DPP10: variants seen among roughly 807,000 people sequenced by gnomAD.
DPP10 encodes the protein inactive dipeptidyl peptidase 10.
DPP10 carries 33 observed loss-of-function variants against 120.9 expected under a neutral mutation model. The observed-to-expected ratio is 0.27, with a 90% CI of 0.21 to 0.37. DPP10 has a LOEUF of 0.37. DPP10 is among the 10% of genes least tolerant of loss of function. The pLI is 1.00. For synonymous variants in DPP10, 337 were observed against 326.1 expected, an observed-to-expected ratio of 1.03 and a Z score of -0.36; for missense variants, 816 against 942.8, an observed-to-expected ratio of 0.87 and a Z score of 1.76.
In DPP10 at chr2:115,844,201, T is replaced by C. The variant is rs1690424145; in HGVS notation, c.*1856T>C. 2 of 152,590 alleles carry C rather than the reference T, an allele frequency of 1.3e-5. No homozygotes were observed. Among genetic ancestry groups the C allele is most frequent in the South Asian group, 4.1e-4 (2 of 4,838 alleles). The allele number at this position is 152,590 out of a possible 1,614,324, so 9.5% of individuals were successfully genotyped here. On this transcript the variant is annotated 3_prime_UTR_variant, in exon 26 of 26. Coordinates refer to ENST00000410059, the MANE Select transcript of DPP10 (RefSeq NM_020868.6). Reference sequence around the variant, plus strand: ...CTATTTTATTAAGATGGAAATTTCTTTTTAGGCTAATTTGAAATCCAACTG... The same window carrying C: ...CTATTTTATTAAGATGGAAATTTCTCTTTAGGCTAATTTGAAATCCAACTG...
rs2092802797 is a variant in DPP10, at chr2:115,727,828, G to A, written c.589G>A (p.Glu197Lys). Residue 197 changes from glutamate (E) to lysine (K), a missense_variant, in exon 8 of 26, where the codon GAA (glutamate) becomes AAA (lysine). Coordinates refer to ENST00000410059, the MANE Select transcript of DPP10 (RefSeq NM_020868.6). ...VQGQQLIYIF[E>K]NNIYYQPDIK... ...TTTCCTGATCCAGATTTATATTTTT[G>A]AAAATAATATCTACTATCAACCTGA... 6.3e-7 allele frequency: 1 copy of A among 1,579,200 alleles called. No homozygotes were observed. The highest frequency in any genetic ancestry group is 8.6e-7 in the Non-Finnish European group (1 of 1,167,412).
chr2:114,953,010 A>G (rs1697911334), intron 1 of DPP10, among the ~76,000 whole-genome samples: 2 of 148,498 alleles, frequency 1.3e-5, no homozygotes, highest in South Asian at 4.3e-4. Context: ...TTTTTTCTGG[A>G]TGTTGTTAAT....
At chr2:114,632,426 G>C (rs183018034) in intron 1 of DPP10, among the ~76,000 whole-genome samples, 336 of 146,388 alleles carry the variant, frequency 2.3e-3, no homozygotes, top group African/African-American at 8.0e-3. Context: ...TTATCAGAGA[G>C]TTTTTCTCTA....
intron 1 of DPP10, among the ~76,000 whole-genome samples, chr2:114,720,534 G>A (rs947527485): frequency 6.6e-6 from 1 of 152,136 alleles, no homozygotes; most frequent in Non-Finnish European, 1.5e-5. Context: ...AAAAAATAGA[G>A]TTAAGATAAA....
chr2:115,203,199 G>A (rs1290153783), intron 1 of DPP10, among the ~76,000 whole-genome samples: 4 of 152,294 alleles, frequency 2.6e-5, no homozygotes, highest in African/African-American at 9.6e-5. Flanking sequence ...CCAAGACAAT[G>A]TTTTCTGCAA....
chr2:114,813,450 A>T (rs1685356184), intron 1 of DPP10, among the ~76,000 whole-genome samples: 1 of 152,216 alleles, frequency 6.6e-6, no homozygotes, highest in South Asian at 2.1e-4. Flanking sequence ...CACGCAGTAA[A>T]TAGTGTCTCT....
chr2:114,682,519 T>G (rs1189953011), intron 1 of DPP10, among the ~76,000 whole-genome samples: 1 of 151,770 alleles, frequency 6.6e-6, no homozygotes, highest in Non-Finnish European at 1.5e-5. Context: ...CATAGACCCA[T>G]AGCTAGAGAT....
intron 1 of DPP10, among the ~76,000 whole-genome samples, chr2:114,679,582 G>A (rs1010835932): frequency 1.4e-4 from 22 of 152,020 alleles, no homozygotes; most frequent in Admixed American, 3.9e-4. Context: ...GGAAGAATAA[G>A]GGTCTGAAAT....
intron 5 of DPP10, among the ~76,000 whole-genome samples, chr2:115,659,885 T>C (rs1037859385): frequency 6.6e-5 from 10 of 152,302 alleles, no homozygotes; most frequent in African/African-American, 1.9e-4. Flanking sequence ...CCATGAGTCA[T>C]TTTTAAAATT....
intron 5 of DPP10, among the ~76,000 whole-genome samples, chr2:115,669,235 ATAAG>A (rs2089687447): frequency 6.6e-6 from 1 of 152,140 alleles, no homozygotes. Context: ...TCTATAGCAA[ATAAG>A]TAAATAAAAG....
intron 21 of DPP10, among the ~76,000 whole-genome samples, chr2:115,832,088 T>C (rs1385633948): frequency 6.6e-6 from 1 of 152,218 alleles, no homozygotes; most frequent in Non-Finnish European, 1.5e-5. Flanking sequence ...TTATATCTTA[T>C]TTTTGCCCTC....
intron 1 of DPP10, among the ~76,000 whole-genome samples, chr2:115,174,601 T>TC (rs2053573976): frequency 6.6e-6 from 1 of 152,206 alleles, no homozygotes; most frequent in African/African-American, 2.4e-5. Context: ...TAGGGTACAT[T>TC]CCCCTAAAAT....
chr2:114,520,926 A>G (rs771071612), intron 1 of DPP10, among the ~76,000 whole-genome samples: 1 of 152,196 alleles, frequency 6.6e-6, no homozygotes, highest in Non-Finnish European at 1.5e-5. Flanking sequence ...AATATACCAA[A>G]GTGGAAACTG....
At chr2:115,191,256 T>G (rs2054860865) in intron 1 of DPP10, among the ~76,000 whole-genome samples, 1 of 152,218 alleles carries the variant, frequency 6.6e-6, no homozygotes, top group Non-Finnish European at 1.5e-5. Context: ...CTTCGGTGTT[T>G]TACAGAGCAT....
At chr2:114,503,937 A>G (rs529557222) in intron 1 of DPP10, among the ~76,000 whole-genome samples, 3 of 152,188 alleles carry the variant, frequency 2.0e-5, no homozygotes, top group Non-Finnish European at 4.4e-5. Context: ...TAGAATGCCT[A>G]TGTGGGGGAA....
chr2:115,220,918 T>C (rs2057117148), intron 1 of DPP10, among the ~76,000 whole-genome samples: 1 of 144,206 alleles, frequency 6.9e-6, no homozygotes, highest in Admixed American at 7.2e-5. Context: ...TTTATTTTTA[T>C]ATTCATATAT....
At chr2:115,505,383 A>G (rs1001379807) in intron 4 of DPP10, among the ~76,000 whole-genome samples, 3 of 152,136 alleles carry the variant, frequency 2.0e-5, no homozygotes, top group Non-Finnish European at 2.9e-5. Flanking sequence ...GACAGAGCCT[A>G]TTAGATATAT....
intron 1 of DPP10, among the ~76,000 whole-genome samples, chr2:115,080,188 C>G (rs1027869919): frequency 3.3e-5 from 5 of 151,990 alleles, no homozygotes; most frequent in Non-Finnish European, 7.4e-5. Flanking sequence ...TGGCTAATTT[C>G]TGTGTTCTTA....
chr2:114,968,309 T>C (rs934131869), intron 1 of DPP10, among the ~76,000 whole-genome samples: 1 of 152,222 alleles, frequency 6.6e-6, no homozygotes, highest in African/African-American at 2.4e-5. Context: ...CCTGTTCTCA[T>C]TCCTCTTGGT....
Sources: allele counts gnomAD v4.1 joint callset (sites outside exome capture counted in the v4.1 genomes callset), GRCh38; gene constraint gnomAD v4.1.1; transcripts MANE v1.5; gene names NCBI Gene and HGNC (gene_info 2026-07-23, HGNC 2026-07-21).